Variants in DPYD observed in about 807,000 individuals in gnomAD.
The protein encoded by DPYD is dihydropyrimidine dehydrogenase [NADP(+)].
A neutral mutation model predicts 116.2 loss-of-function variants in DPYD; 109 were observed. The observed-to-expected ratio is 0.94, with a 90% CI of 0.80 to 1.10. The LOEUF (loss-of-function observed/expected upper bound fraction) is 1.10. DPYD is among the 50% of genes least tolerant of loss of function. The pLI, the probability that DPYD is intolerant of heterozygous loss-of-function variation, is 0.00. For synonymous variants in DPYD, 440 were observed against 432.0 expected (o/e 1.02, Z -0.23); for missense variants, 1,302 against 1,254.5 (o/e 1.04, Z -0.57).
intron 8 of DPYD, among the ~76,000 whole-genome samples, chr1:97,654,716 A>T (rs998516873): frequency 6.6e-6 from 1 of 152,290 alleles, no homozygotes; most frequent in Admixed American, 6.6e-5. Flanking sequence ...ATAATTAAAA[A>T]TAACGTGAAA....
At chr1:97,317,507 C>G (rs898803399) in intron 16 of DPYD, among the ~76,000 whole-genome samples, 6 of 151,978 alleles carry the variant, frequency 3.9e-5, no homozygotes, top group Non-Finnish European at 5.9e-5. Flanking sequence ...TTGCAGACTT[C>G]AAGCAGCTTG....
chr1:97,720,164 TCACACACACA>T (rs537506379), intron 5 of DPYD: 92 of 707,264 alleles, frequency 1.3e-4, no homozygotes, highest in Non-Finnish European at 1.6e-4. Flanking sequence ...TCTCTCTCTC[TCACACACACA>T]CACACACACA....
intron 16 of DPYD, among the ~76,000 whole-genome samples, chr1:97,311,832 C>A (rs1338440988): frequency 6.6e-6 from 1 of 151,684 alleles, no homozygotes; most frequent in Non-Finnish European, 1.5e-5. Context: ...CAAAAGTATA[C>A]AATATAATTT....
At chr1:97,879,569 G>A (rs1255908867) in intron 2 of DPYD, among the ~76,000 whole-genome samples, 1 of 151,850 alleles carries the variant, frequency 6.6e-6, no homozygotes, top group Non-Finnish European at 1.5e-5. Flanking sequence ...ACTGCTTCAT[G>A]CTTCATTAAC....
chr1:97,876,299 G>T (rs1671916283), intron 2 of DPYD, among the ~76,000 whole-genome samples: 1 of 151,926 alleles, frequency 6.6e-6, no homozygotes, highest in African/African-American at 2.4e-5. Context: ...AAACACCTGT[G>T]GAGACACTAC....
chr1:97,180,173 A>AT (rs1249695350), intron 20 of DPYD, among the ~76,000 whole-genome samples: 3 of 151,938 alleles, frequency 2.0e-5, no homozygotes, highest in Non-Finnish European at 4.4e-5. Flanking sequence ...AGACATTTCA[A>AT]TTTTTTCCCC....
chr1:97,173,166 A>ACACATGTATACATATATATG (rs1557911059), intron 20 of DPYD, among the ~76,000 whole-genome samples: 6 of 151,416 alleles, frequency 4.0e-5, no homozygotes, highest in East Asian at 2.0e-4. Context: ...GTACGTATAT[A>ACACATGTATACATATATATG]TGTACACATG....
chr1:97,369,285 C>A (rs915968718), intron 16 of DPYD, among the ~76,000 whole-genome samples: 1 of 152,018 alleles, frequency 6.6e-6, no homozygotes, highest in African/African-American at 2.4e-5. Context: ...CAGAGAAGCA[C>A]CTTGAGTCGC....
At chr1:97,535,766 G>A (rs946723151) in intron 12 of DPYD, among the ~76,000 whole-genome samples, 1 of 152,060 alleles carries the variant, frequency 6.6e-6, no homozygotes, top group East Asian at 1.9e-4. Flanking sequence ...ATTAGGTACA[G>A]CCTCATTGCT....
Position 97,333,517 on chromosome 1 carries a change from A to ATTTTT in DPYD, c.2059-27225_2059-27221dup, listed in dbSNP as rs778577478. 2.1e-4 allele frequency among the ~76,000 whole-genome samples: 20 copies of ATTTTT among 97,044 alleles called. 1 individual carries two copies. The highest frequency in any genetic ancestry group is 8.0e-4 in the African/African-American group (19 of 23,760). 63.7% of individuals were successfully genotyped at this position (97,044 alleles called of 152,430 possible). A position where few individuals can be genotyped will look rare whatever the true frequency, so the allele number is the denominator to read the frequency against. ...CCGGCCCCAATTGCTAAGTCTTAGG[A>ATTTTT]TTTTTTTTTTTTTTTTTTTTTGAGA... On this transcript the variant is annotated intron_variant, in intron 16 of 22. Transcript: ENST00000370192.
At chr1:97,649,071 G>A (rs1337441656) in intron 8 of DPYD, among the ~76,000 whole-genome samples, 1 of 151,912 alleles carries the variant, frequency 6.6e-6, no homozygotes, top group African/African-American at 2.4e-5. Flanking sequence ...AAGCATGTTA[G>A]GCTACATTAA....
At chr1:97,308,731 T>C (rs1342960120) in intron 16 of DPYD, among the ~76,000 whole-genome samples, 2 of 151,896 alleles carry the variant, frequency 1.3e-5, no homozygotes, top group Admixed American at 6.6e-5. Flanking sequence ...TTTCTAGTGA[T>C]AGCATGAGAT....
chr1:97,420,324 G>T (rs4949951), intron 14 of DPYD, among the ~76,000 whole-genome samples: 142,976 of 152,168 alleles, frequency 0.94, 67,809 homozygotes, highest in East Asian at 1. Flanking sequence ...TTGAAGACAT[G>T]GAGAACACTT....
At chr1:97,920,813 TC>T in intron 1 of DPYD, 70 bp downstream of exon 1, 1 of 1,543,908 alleles carries the variant, frequency 6.5e-7, no homozygotes. Context: ...CGCGGGGGCC[TC>T]CCCGGCACCT....
intron 3 of DPYD, among the ~76,000 whole-genome samples, chr1:97,751,849 G>A (rs1664947183): frequency 6.6e-6 from 1 of 150,524 alleles, no homozygotes; most frequent in South Asian, 2.1e-4. Flanking sequence ...TGTGACCTCT[G>A]CCTCCTGGAT....
intron 14 of DPYD, among the ~76,000 whole-genome samples, chr1:97,435,227 T>C (rs140805772): frequency 0.017 from 2,580 of 152,050 alleles, 38 homozygotes; most frequent in Non-Finnish European, 0.026. Flanking sequence ...TATGGTTACA[T>C]CTTTACCAAC....
intron 8 of DPYD, among the ~76,000 whole-genome samples, chr1:97,603,234 A>G (rs1346649299): frequency 6.6e-6 from 1 of 152,044 alleles, no homozygotes; most frequent in Non-Finnish European, 1.5e-5. Context: ...AGGACTGTGT[A>G]AGTACACTAT....
At chr1:97,567,238 A>T (rs1200421376) in intron 11 of DPYD, among the ~76,000 whole-genome samples, 1 of 152,138 alleles carries the variant, frequency 6.6e-6, no homozygotes, top group Non-Finnish European at 1.5e-5. Flanking sequence ...TGCTATTGAC[A>T]GAATGTTTGA....
intron 18 of DPYD, among the ~76,000 whole-genome samples, chr1:97,263,961 A>C (rs1664050138): frequency 6.6e-6 from 1 of 152,106 alleles, no homozygotes; most frequent in Non-Finnish European, 1.5e-5. Context: ...AAGTACTTAT[A>C]ACATGGCTGA....
Sources: gnomAD v4.1 joint callset for allele counts (sites outside exome capture counted in the v4.1 genomes callset) on GRCh38, gnomAD v4.1.1 for gene constraint, MANE v1.5 for transcripts, NCBI Gene and HGNC (gene_info 2026-07-23, HGNC 2026-07-21) for gene names.